KANK1: variants seen among roughly 807,000 people sequenced by gnomAD.
KANK1 encodes KN motif and ankyrin repeat domains 1.
A neutral mutation model predicts 106.2 loss-of-function variants in KANK1; 109 were observed. The observed-to-expected ratio is 1.03, with a 90% CI of 0.88 to 1.20. The LOEUF (loss-of-function observed/expected upper bound fraction) is 1.20. KANK1 is among the 50% of genes most tolerant of loss of function. The pLI is 0.00. For missense variants in KANK1, 2,399 were observed against 1,710.7 expected, an observed-to-expected ratio of 1.40 and a Z score of -7.10; for synonymous variants, 873 against 652.2, an observed-to-expected ratio of 1.34 and a Z score of -5.16.
intron 1 of KANK1, among the ~76,000 whole-genome samples, chr9:650,403 C>G (rs1036136838): frequency 6.6e-6 from 1 of 152,204 alleles, no homozygotes; most frequent in Non-Finnish European, 1.5e-5. Context: ...GCTTAAAGAT[C>G]TCTGTTAAAA....
intron 1 of KANK1, among the ~76,000 whole-genome samples, chr9:584,670 A>C (rs567310875): frequency 2.0e-5 from 3 of 152,200 alleles, no homozygotes; most frequent in Non-Finnish European, 2.9e-5. Context: ...AAGATTTGTT[A>C]GGGAACCAAA....
intron 1 of KANK1, among the ~76,000 whole-genome samples, chr9:559,655 A>C (rs1815857186): frequency 6.6e-6 from 1 of 152,234 alleles, no homozygotes; most frequent in Non-Finnish European, 1.5e-5. Context: ...AGAAGGGTGA[A>C]AAAGACGGAA....
chr9:733,127 A>C (rs1003592908), intron 6 of KANK1: 8 of 152,724 alleles, frequency 5.2e-5, no homozygotes, highest in African/African-American at 1.9e-4. Flanking sequence ...ATACCACAAG[A>C]ATGGATTTGG....
intron 1 of KANK1, among the ~76,000 whole-genome samples, chr9:583,143 C>A (rs1002824004): frequency 1.3e-5 from 2 of 152,092 alleles, no homozygotes; most frequent in Non-Finnish European, 1.5e-5. Context: ...GGGATTACTT[C>A]TAAGGAGGAA....
At chr9:722,558 T>A (rs1228488957) in intron 3 of KANK1, among the ~76,000 whole-genome samples, 2 of 152,232 alleles carry the variant, frequency 1.3e-5, no homozygotes, top group East Asian at 3.8e-4. Context: ...CAGTCTTACA[T>A]TGGTGCATGC....
chr9:682,666 C>T (rs539070690), intron 2 of KANK1, among the ~76,000 whole-genome samples: 4 of 152,208 alleles, frequency 2.6e-5, no homozygotes, highest in African/African-American at 9.6e-5. Context: ...TTTTCTCCTC[C>T]TTTTTTATTA....
chr9:474,665 C>T (rs1470824220), intron 3 of KANK1, among the ~76,000 whole-genome samples: 6 of 152,322 alleles, frequency 3.9e-5, no homozygotes, highest in African/African-American at 1.2e-4. Context: ...CTTCATCATC[C>T]TCTCACTACC....
At chr9:724,486 C>G (rs914577106) in intron 3 of KANK1, among the ~76,000 whole-genome samples, 1 of 152,128 alleles carries the variant, frequency 6.6e-6, no homozygotes, top group Non-Finnish European at 1.5e-5. Flanking sequence ...ATGCTTCGTA[C>G]AAGCATTTCT....
rs551015775 is a variant in KANK1, at chr9:656,962, A to G, written c.-83-19928A>G. 6.1e-4 allele frequency among the ~76,000 whole-genome samples: 93 copies of G among 152,250 alleles called. 1 individual carries two copies. The highest frequency in any genetic ancestry group is 2.0e-3 in the African/African-American group (81 of 41,534). On this transcript the variant is annotated intron_variant, in intron 1 of 11. Transcript: ENST00000382297. ...TGTACACTTCATTATTGTTAACTGTATGCACAATGCCATGACAGATCTCTA... is the reference window on the plus strand; with the variant it reads ...TGTACACTTCATTATTGTTAACTGTGTGCACAATGCCATGACAGATCTCTA...
At chr9:634,839 T>C (rs763204990) in intron 1 of KANK1, among the ~76,000 whole-genome samples, 5 of 152,276 alleles carry the variant, frequency 3.3e-5, no homozygotes, top group Admixed American at 6.5e-5. Flanking sequence ...CCCACTGATA[T>C]CATTAGGGGC....
chr9:678,922 C>G (rs905653839), intron 2 of KANK1, among the ~76,000 whole-genome samples: 8 of 152,106 alleles, frequency 5.3e-5, no homozygotes, highest in Non-Finnish European at 1.0e-4. Context: ...GTTGGTGCCT[C>G]AAGACCTCAA....
At chr9:633,975 A>G (rs1290197167) in intron 1 of KANK1, among the ~76,000 whole-genome samples, 1 of 152,204 alleles carries the variant, frequency 6.6e-6, no homozygotes, top group African/African-American at 2.4e-5. Context: ...GTCAAAATCC[A>G]AGAAAACCTT....
intron 3 of KANK1, among the ~76,000 whole-genome samples, chr9:727,220 A>G (rs188668454): frequency 6.6e-6 from 1 of 152,348 alleles, no homozygotes; most frequent in East Asian, 1.9e-4. Flanking sequence ...TCCTTAGGAT[A>G]AAACTTTTAG....
chr9:525,644 G>C (rs997591911), intron 1 of KANK1, among the ~76,000 whole-genome samples: 9 of 151,662 alleles, frequency 5.9e-5, no homozygotes, highest in Non-Finnish European at 1.2e-4. Flanking sequence ...GCTTCCCAAA[G>C]TGAGGCATAC....
chr9:741,005 G>A, intron 9 of KANK1, 71 bp downstream of exon 9: 1 of 1,543,024 alleles, frequency 6.5e-7, no homozygotes, highest in Non-Finnish European at 8.8e-7. Context: ...TGGCCATTCT[G>A]GCAGAGCAGG....
Position 734,773 on chromosome 9 carries a change from T to C in KANK1, c.3271T>C (p.Ser1091Pro). Residue 1091 changes from serine to proline, a missense_variant, in exon 7 of 12, where the codon TCT (serine) becomes CCT (proline). Ser to Pro is a moderately conservative substitution (Grantham distance 74). Transcript: ENST00000382297. ...GTATGAATTAAGTGAAAAGATGTTGTCTGCATGCAACTTACTGAAAAATAC... is the reference window on the plus strand; with the variant it reads ...GTATGAATTAAGTGAAAAGATGTTGCCTGCATGCAACTTACTGAAAAATAC... ...ERYELSEKML[S>P]ACNLLKNTIN... 1 of 1,613,126 alleles carries C rather than the reference T, an allele frequency of 6.2e-7. No individual in the cohort carries two copies. Among genetic ancestry groups the C allele is most frequent in the Non-Finnish European group, 8.5e-7 (1 of 1,179,022 alleles).
At chr9:568,197 A>G (rs1818280130) in intron 1 of KANK1, among the ~76,000 whole-genome samples, 1 of 152,132 alleles carries the variant, frequency 6.6e-6, no homozygotes, top group African/African-American at 2.4e-5. Flanking sequence ...TTAAAAATCA[A>G]CTTCTCAAGA....
chr9:533,012 G>C lies in KANK1; in HGVS notation c.-84+28258G>C, dbSNP rs112260197. 4.0e-4 allele frequency among the ~76,000 whole-genome samples: 61 copies of C among 152,250 alleles called. No individual in the cohort carries two copies. The East Asian group carries it at 9.3e-3, about 23-fold the overall frequency. ...CATGTTGCTGGTCGGAACAGTTTTG[G>C]AGTTGGATTTTGTCCTGCAGTGATG... On this transcript the variant is annotated intron_variant, in intron 1 of 11. Transcript: ENST00000382297.
intron 1 of KANK1, among the ~76,000 whole-genome samples, chr9:594,277 G>C (rs970540713): frequency 1.3e-4 from 19 of 151,976 alleles, no homozygotes; most frequent in Admixed American, 1.0e-3. Flanking sequence ...TTAAATAGTA[G>C]TGTAGTTTTC....
Sources: gnomAD v4.1 joint callset for allele counts (sites outside exome capture counted in the v4.1 genomes callset) on GRCh38, gnomAD v4.1.1 for gene constraint, MANE v1.5 for transcripts, NCBI Gene and HGNC (gene_info 2026-07-23, HGNC 2026-07-21) for gene names.